The following CDH16 variants were observed in gnomAD, a reference collection of about 807,000 sequenced individuals.
The protein encoded by CDH16 is cadherin 16, also known as cadherin-16.
CDH16 carries 79 observed loss-of-function variants against 87.6 expected under a neutral mutation model. The ratio of observed to expected loss-of-function variants is 0.90; its 90% CI spans 0.75 to 1.09. The LOEUF (loss-of-function observed/expected upper bound fraction) is 1.09. CDH16 is among the 50% of genes least tolerant of loss of function. The probability of loss-of-function intolerance (pLI) is 0.00; values close to 1 mark genes in which losing one functional copy is unlikely to be tolerated. For synonymous variants in CDH16, 457 were observed against 439.5 expected, an observed-to-expected ratio of 1.04 and a Z score of -0.50; for missense variants, 1,124 against 1,071.7, an observed-to-expected ratio of 1.05 and a Z score of -0.68.
chr16:66,912,939 A>G (rs112708705), intron 9 of CDH16, 48 bp from the exon 10 acceptor site: 17,466 of 1,521,916 alleles, frequency 0.011, 590 homozygotes, highest in South Asian at 0.096. Flanking sequence ...CAGCCTGGAG[A>G]CCTTACCCCA....
At chr16:66,914,748 T>C (rs1419762116) in intron 6 of CDH16, among the ~76,000 whole-genome samples, 2 of 152,122 alleles carry the variant, frequency 1.3e-5, no homozygotes, top group African/African-American at 2.4e-5. Flanking sequence ...TTTGAGTGTG[T>C]GAATAGGAGA....
rs761987449 is a variant in CDH16, at chr16:66,914,366, C to T, written c.630G>A (p.Leu210=). The change falls in exon 7 of 18, where the codon TTG becomes TTA. Residue 210 remains leucine, a synonymous_variant. Coordinates refer to ENST00000299752, the MANE Select transcript of CDH16 (RefSeq NM_004062.4). ...GGTCACCCATGTCCTTGACCTGTAC[C>T]AACAGCTGGTAGGTCCTCTCCAGGG... ...DHALERTYQL[L]VQVKDMGDQA... 2 of 1,614,194 alleles carry T rather than the reference C, an allele frequency of 1.2e-6. No homozygotes were observed. Among genetic ancestry groups the T allele is most frequent in the Admixed American group, 3.3e-5 (2 of 60,030 alleles).
rs537280974 is a variant in CDH16 at position 66,914,312 on chromosome 16, G to A, written c.684C>T (p.Thr228=). Residue 228 remains threonine, a synonymous_variant, in exon 7 of 18, where the codon ACC becomes ACT. Transcript: ENST00000299752. ...TGCTCTCTATGATGGAGACTTCCACGGTGGCAGTGGCCTGGTGGCCTGAGG... is the reference window on the plus strand; with the variant it reads ...TGCTCTCTATGATGGAGACTTCCACAGTGGCAGTGGCCTGGTGGCCTGAGG... ...DQASGHQATA[T]VEVSIIESTW... is the part of the protein sequence containing the mutation. 5.3e-5 allele frequency: 86 copies of A among 1,614,130 alleles called. No homozygotes were observed. The highest frequency in any genetic ancestry group is 2.6e-4 in the South Asian group (24 of 91,084).
chr16:66,913,350 T>A, intron 8 of CDH16, 69 bp from the exon 9 acceptor site: 1 of 1,551,648 alleles, frequency 6.4e-7, no homozygotes, highest in Non-Finnish European at 8.7e-7. Flanking sequence ...GCTCTGAGTT[T>A]CCTTCCGGTG....
chr16:66,913,374 T>A (rs1962522426), intron 8 of CDH16, 93 bp from the exon 9 acceptor site: 1 of 1,560,326 alleles, frequency 6.4e-7, no homozygotes, highest in African/African-American at 1.4e-5. Flanking sequence ...CAGCTCCAGC[T>A]CTTCGGGGCT....
chr16:66,911,164 A>C lies in CDH16; in HGVS notation c.1924+18T>G. ...TTTGTACCCCCTCCCAGGGGCTCCCATCACTGCCTGGCCATACCTGTATCC... is the reference window on the plus strand; with the variant it reads ...TTTGTACCCCCTCCCAGGGGCTCCCCTCACTGCCTGGCCATACCTGTATCC... On this transcript the variant is annotated intron_variant, in intron 14 of 17. Transcript: ENST00000299752. The C allele has an allele frequency of 1.3e-6, 2 of 1,599,264 alleles. No individual in the cohort carries two copies. The highest frequency in any genetic ancestry group is 2.2e-5 in the South Asian group (2 of 89,616).
intron 13 of CDH16, among the ~76,000 whole-genome samples, chr16:66,911,650 G>T: frequency 6.6e-6 from 1 of 152,192 alleles, no homozygotes; most frequent in Non-Finnish European, 1.5e-5. Flanking sequence ...GGGCATTGGA[G>T]GAGGGCCTGG....
At chr16:66,910,831 A>G (rs1016338138) in intron 14 of CDH16, 3 of 379,026 alleles carry the variant, frequency 7.9e-6, no homozygotes, top group Non-Finnish European at 1.4e-5. Flanking sequence ...CATTCACTCC[A>G]GCACTCCTTC....
chr16:66,914,662 G>C (rs982369693), intron 6 of CDH16, among the ~76,000 whole-genome samples: 8 of 152,216 alleles, frequency 5.3e-5, no homozygotes, highest in African/African-American at 1.9e-4. Context: ...TGGATGACCA[G>C]GATGAGGAGA....
Position 66,917,728 on chromosome 16 carries a change from G to A in CDH16, c.46-3C>T. The A allele has an allele frequency of 6.2e-7, 1 of 1,608,196 alleles. No homozygotes were observed. Among genetic ancestry groups the A allele is most frequent in the South Asian group, 1.1e-5 (1 of 89,950 alleles). Reference sequence around the variant, plus strand: ...GCAGGCTGGGCCTTGGGGAGAGCCTGTGGGAGGATTCTCACCTTGTCACCA... The same window carrying A: ...GCAGGCTGGGCCTTGGGGAGAGCCTATGGGAGGATTCTCACCTTGTCACCA... On this transcript the variant is annotated splice_region_variant and splice_polypyrimidine_tract_variant and intron_variant, in intron 2 of 17. Transcript: ENST00000299752.
chr16:66,914,287 T>A lies in CDH16; in HGVS notation c.709A>T (p.Thr237Ser). Residue 237 changes from threonine (T) to serine (S), a missense_variant, in exon 7 of 18, where the codon ACC (threonine) becomes TCC (serine). Thr to Ser is a moderately conservative substitution (Grantham distance 58). Transcript: ENST00000299752. ...ATVEVSIIESTWVSLEPIHLA... is the reference protein window; with the variant it reads ...ATVEVSIIESSWVSLEPIHLA... Reference sequence around the variant, plus strand: ...TGGATAGGCTCTAGGGACACCCAGGTGCTCTCTATGATGGAGACTTCCACG... The same window carrying A: ...TGGATAGGCTCTAGGGACACCCAGGAGCTCTCTATGATGGAGACTTCCACG... The A allele has an allele frequency of 6.2e-7, 1 of 1,614,226 alleles. No homozygotes were observed. The highest frequency in any genetic ancestry group is 8.5e-7 in the Non-Finnish European group (1 of 1,180,032).
In CDH16 at chr16:66,911,934, G is replaced by T. The variant is rs745486898; in HGVS notation, c.1755C>A (p.Thr585=). 3 of 1,611,416 alleles carry T rather than the reference G, an allele frequency of 1.9e-6. No homozygotes were observed. In the South Asian group the frequency reaches 3.3e-5, roughly 18 times the overall value. Residue 585 remains threonine (T), a synonymous_variant, in exon 13 of 18, where the codon ACC becomes ACA. Transcript: ENST00000299752. ...ISAPAGSFLL[T]IQPSDPISRT... is the part of the protein sequence containing the mutation. ...GGCTGATGGGGTCGGAGGGCTGGAT[G>T]GTCAGCAGGAAAGAGCCGGCTGGGG...
intron 5 of CDH16, 171 bp from the exon 6 acceptor site, chr16:66,915,549 G>A (rs950565436): frequency 2.9e-6 from 2 of 690,216 alleles, no homozygotes; most frequent in African/African-American, 3.6e-5. Context: ...CTGAAGCCAA[G>A]AATGGATGGC....
rs539644728 is a variant in CDH16, at chr16:66,915,285, G to T, written c.518C>A (p.Ala173Asp). Residue 173 changes from alanine to aspartate, a missense_variant, in exon 6 of 18, where the codon GCC becomes GAC. Physicochemically the swap from Ala to Asp is moderately radical, Grantham distance 126. Coordinates refer to ENST00000299752, the MANE Select transcript of CDH16 (RefSeq NM_004062.4). ...CTGGAACATGTCTGGGGAAGGCTGGGCTGGAGCCTGGCTCAGGATGTGGAA... is the reference window on the plus strand; with the variant it reads ...CTGGAACATGTCTGGGGAAGGCTGGTCTGGAGCCTGGCTCAGGATGTGGAA... Reference protein sequence around the residue: ...LRFHILSQAPAQPSPDMFQLE... With the variant: ...LRFHILSQAPDQPSPDMFQLE... 1 of 1,613,872 alleles carries T rather than the reference G, an allele frequency of 6.2e-7. No homozygotes were observed. Among genetic ancestry groups the T allele is most frequent in the South Asian group, 1.1e-5 (1 of 91,066 alleles).
chr16:66,911,200 C>T lies in CDH16; in HGVS notation c.1906G>A (p.Val636Met). The change falls in exon 14 of 18, where the codon GTG (valine) becomes ATG (methionine). Residue 636 changes from valine to methionine, a missense_variant. Physicochemically the swap from Val to Met is conservative, Grantham distance 21 (BLOSUM62 1). Coordinates refer to ENST00000299752, the MANE Select transcript of CDH16 (RefSeq NM_004062.4). ...GCCATACCTGTATCCTGGGCCTCCACAAGCACCGTGTAGGTGTCCCCAGGC... is the reference window on the plus strand; with the variant it reads ...GCCATACCTGTATCCTGGGCCTCCATAAGCACCGTGTAGGTGTCCCCAGGC... The part of the protein sequence containing the change: ...AQPGDTYTVL[V>M]EAQDTDEPRL... 6.2e-7 allele frequency: 1 copy of T among 1,613,058 alleles called. No homozygotes were observed. The highest frequency in any genetic ancestry group is 2.2e-5 in the East Asian group (1 of 44,806).
chr16:66,910,690 A>G, intron 14 of CDH16, 188 bp from the exon 15 acceptor site: 1 of 615,828 alleles, frequency 1.6e-6, no homozygotes, highest in Non-Finnish European at 2.5e-6. Flanking sequence ...GGCGGAGCTC[A>G]CTGCTGCTGG....
chr16:66,911,060 G>A (rs1317455828), intron 14 of CDH16, 122 bp downstream of exon 14: 4 of 910,564 alleles, frequency 4.4e-6, no homozygotes, highest in Admixed American at 3.0e-5. Context: ...CTTCATATCT[G>A]CCTCTCCTGC....
At chr16:66,915,192 C>A (rs1299565604) in intron 6 of CDH16, 28 bp downstream of exon 6, 2 of 1,575,608 alleles carry the variant, frequency 1.3e-6, no homozygotes. Context: ...CTGACCCTCC[C>A]TCCCCAGCAC....
At chr16:66,913,107 T>C (rs1291022202) in intron 9 of CDH16, 24 bp downstream of exon 9, 3 of 1,591,808 alleles carry the variant, frequency 1.9e-6, no homozygotes, top group African/African-American at 2.7e-5. Flanking sequence ...AGAGACTTCG[T>C]CCCTCTCCCA....
Sources: gnomAD v4.1 joint callset for allele counts (sites outside exome capture counted in the v4.1 genomes callset) on GRCh38, gnomAD v4.1.1 for gene constraint, MANE v1.5 for transcripts, NCBI Gene and HGNC (gene_info 2026-07-23, HGNC 2026-07-21) for gene names.